Variants in UTRN observed in about 807,000 individuals in gnomAD.
UTRN encodes the protein utrophin, also known as dystrophin-related protein 1.
UTRN carries 283 observed loss-of-function variants against 463.9 expected under a neutral mutation model. The observed-to-expected ratio is 0.61, with a 90% CI of 0.55 to 0.67. The LOEUF (loss-of-function observed/expected upper bound fraction) is 0.67, where lower values mean the gene tolerates loss of function less well. Ranked by LOEUF, UTRN falls within the 30% of genes least tolerant of loss-of-function variation. UTRN has a pLI of 0.00. For missense variants in UTRN, 3,922 were observed against 4,084.3 expected, an observed-to-expected ratio of 0.96 and a Z score of 1.08; for synonymous variants, 1,442 against 1,431.5, an observed-to-expected ratio of 1.01 and a Z score of -0.17.
At chr6:144,512,486 A>T (rs575057572) in intron 35 of UTRN, among the ~76,000 whole-genome samples, 6 of 151,912 alleles carry the variant, frequency 3.9e-5, no homozygotes, top group Non-Finnish European at 8.8e-5. Context: ...TTCTTTTTTT[A>T]AAAATGTTTA....
At position 144,288,390 on chromosome 6, in the gene UTRN, A is replaced by G. The variant is rs73593308; in HGVS notation, c.-93+2569A>G. On this transcript the variant is annotated intron_variant, in intron 1 of 74. Transcript: ENST00000367545. Reference sequence around the variant, plus strand: ...TGGGTGAATAAAGGCTTTGGGTAGCATAGAAGTGGAGATCTTGGCTAAGAC... The same window carrying G: ...TGGGTGAATAAAGGCTTTGGGTAGCGTAGAAGTGGAGATCTTGGCTAAGAC... 2.6e-3 allele frequency among the ~76,000 whole-genome samples: 403 copies of G among 152,340 alleles called. 3 individuals are homozygous for G. The highest frequency in any genetic ancestry group is 9.5e-3 in the African/African-American group (393 of 41,578).
At chr6:144,722,571 A>G (rs1554354069) in intron 53 of UTRN, among the ~76,000 whole-genome samples, 1 of 152,190 alleles carries the variant, frequency 6.6e-6, no homozygotes, top group Non-Finnish European at 1.5e-5. Context: ...GCTTCAAACA[A>G]TAGACTGTGA....
chr6:144,490,961 G>C lies in UTRN; in HGVS notation c.4296G>C (p.Gln1432His). ...TCCGAGAGGTGTCCACAAAGTTCCA[G>C]CTTTTCCAGAAGCCAGCTAACTTCG... The part of the protein sequence containing the change: ...RKLREVSTKF[Q>H]LFQKPANFEQ... The change falls in exon 32 of 75, where the codon CAG (glutamine) becomes CAC (histidine). Residue 1432 changes from glutamine (Q) to histidine (H), a missense_variant. Gln to His is a conservative substitution (Grantham distance 24, BLOSUM62 0). Around this residue, in one of 3 missense-constraint regions of UTRN, gnomAD observed 2,349 missense variants for 2,303.8 expected, o/e 1.02. Coordinates refer to ENST00000367545, the MANE Select transcript of UTRN (RefSeq NM_007124.3). The C allele has an allele frequency of 1.2e-6, 2 of 1,608,722 alleles. No individual in the cohort carries two copies. Among genetic ancestry groups the C allele is most frequent in the Admixed American group, 1.7e-5 (1 of 58,882 alleles).
Position 144,631,237 on chromosome 6 carries a change from G to GGTGTGTGTGTGT in UTRN, c.7480-47146_7480-47135dup, listed in dbSNP as rs67332744. 3.3e-3 allele frequency among the ~76,000 whole-genome samples: 493 copies of GGTGTGTGTGTGT among 147,520 alleles called. 1 individual carries two copies. The highest frequency in any genetic ancestry group is 0.01 in the Middle Eastern group (3 of 290). ...TGAGTGTGTGTGTGTGAGAGAGAGAGGTGTGTGTGTGTGTGTGTGTGTGTG... is the reference window on the plus strand; with the variant it reads ...TGAGTGTGTGTGTGTGAGAGAGAGAGGTGTGTGTGTGTGTGTGTGTGTGTGTGTGTGTGTGTG... On this transcript the variant is annotated intron_variant, in intron 51 of 74. Coordinates refer to ENST00000367545, the MANE Select transcript of UTRN (RefSeq NM_007124.3).
intron 2 of UTRN, among the ~76,000 whole-genome samples, chr6:144,339,335 T>G (rs1217667308): frequency 6.6e-6 from 1 of 152,204 alleles, no homozygotes; most frequent in East Asian, 1.9e-4. Flanking sequence ...TTGAAAAGGA[T>G]GCATCTTGAA....
At chr6:144,795,660 A>G (rs1777147928) in intron 63 of UTRN, among the ~76,000 whole-genome samples, 1 of 152,134 alleles carries the variant, frequency 6.6e-6, no homozygotes, top group Admixed American at 6.5e-5. Flanking sequence ...TTGGCTGCAT[A>G]AATGTCTTCT....
intron 53 of UTRN, among the ~76,000 whole-genome samples, chr6:144,710,892 T>TA (rs1224280209): frequency 4.6e-5 from 7 of 152,258 alleles, no homozygotes; most frequent in African/African-American, 1.7e-4. Context: ...GGTCACCTTA[T>TA]AGTCTTTGCA....
At chr6:144,727,652 A>C (rs1009484104) in intron 53 of UTRN, among the ~76,000 whole-genome samples, 2 of 152,144 alleles carry the variant, frequency 1.3e-5, no homozygotes, top group Non-Finnish European at 2.9e-5. Context: ...CCAGCTACTC[A>C]GGAGGCTGAG....
chr6:144,438,966 G>A (rs962449958), intron 12 of UTRN, 71 bp downstream of exon 12: 1 of 1,506,522 alleles, frequency 6.6e-7, no homozygotes, highest in Middle Eastern at 1.8e-4. Flanking sequence ...CTCAGAGGCT[G>A]ATGACATCTA....
intron 52 of UTRN, among the ~76,000 whole-genome samples, chr6:144,696,241 CT>C (rs934156534): frequency 6.6e-6 from 1 of 151,504 alleles, no homozygotes; most frequent in Non-Finnish European, 1.5e-5. Flanking sequence ...GAACTGCTCT[CT>C]TTTTTTTCTG....
chr6:144,850,195 G>T (rs7766200), intron 74 of UTRN, among the ~76,000 whole-genome samples: 55 of 152,288 alleles, frequency 3.6e-4, no homozygotes, highest in African/African-American at 1.3e-3. Flanking sequence ...TGAGTTTGCT[G>T]CTTTCAGCAT....
At chr6:144,836,275 T>G (rs1215356626) in intron 70 of UTRN, 26 bp from the exon 71 acceptor site, 1 of 1,613,552 alleles carries the variant, frequency 6.2e-7, no homozygotes, top group South Asian at 1.1e-5. Flanking sequence ...TGGTAGTCAT[T>G]CTGTTTCTCC....
chr6:144,840,780 G>A lies in UTRN; in HGVS notation c.10218G>A (p.Thr3406=), dbSNP rs756653331. 7.4e-6 allele frequency: 12 copies of A among 1,613,898 alleles called. No homozygotes were observed. Among genetic ancestry groups the A allele is most frequent in the East Asian group, 6.7e-5 (3 of 44,878 alleles). The change falls in exon 73 of 75, where the codon ACG becomes ACA. Residue 3406 remains threonine (T), a synonymous_variant. Coordinates refer to ENST00000367545, the MANE Select transcript of UTRN (RefSeq NM_007124.3). ...TGGCCCCACCGCACGACACCAGCAC[G>A]GATCTCACGGAGGTCATGGAGCAGA... ...DLLAPPHDTS[T]DLTEVMEQIH... is the part of the protein sequence containing the mutation.
At chr6:144,491,211 G>A (rs1793043187) in intron 32 of UTRN, 109 bp downstream of exon 32, 1 of 1,044,514 alleles carries the variant, frequency 9.6e-7, no homozygotes, top group Non-Finnish European at 1.3e-6. Flanking sequence ...TCTACAGTGT[G>A]CTAAACATAA....
At chr6:144,559,326 T>C (rs950578062) in intron 50 of UTRN, among the ~76,000 whole-genome samples, 2 of 152,098 alleles carry the variant, frequency 1.3e-5, no homozygotes, top group African/African-American at 4.8e-5. Flanking sequence ...AAATAAGTAA[T>C]TATATTAATA....
At chr6:144,481,294 A>T (rs1791831790) in intron 26 of UTRN, among the ~76,000 whole-genome samples, 1 of 152,214 alleles carries the variant, frequency 6.6e-6, no homozygotes, top group Non-Finnish European at 1.5e-5. Context: ...CATTAAAAGT[A>T]ATGGCATAAA....
chr6:144,698,387 G>A (rs953215757), intron 52 of UTRN, among the ~76,000 whole-genome samples: 3 of 152,188 alleles, frequency 2.0e-5, no homozygotes, highest in African/African-American at 7.2e-5. Flanking sequence ...TGTTCTCAGA[G>A]ATTTACAAAA....
chr6:144,831,878 A>G (rs1254215223), intron 69 of UTRN, among the ~76,000 whole-genome samples: 1 of 152,258 alleles, frequency 6.6e-6, no homozygotes, highest in Non-Finnish European at 1.5e-5. Context: ...TCTGAAACCT[A>G]GAACAGAACA....
chr6:144,360,032 TTTCCC>T lies in UTRN; in HGVS notation c.80-43034_80-43030del, dbSNP rs1340009283. Among the ~76,000 whole-genome samples, 706 of 78,774 alleles carry T rather than the reference TTTCCC, an allele frequency of 9.0e-3. 23 individuals are homozygous for T. Among genetic ancestry groups the T allele is most frequent in the East Asian group, 0.036 (53 of 1,456 alleles). The allele number at this position is 78,774 out of a possible 152,430, so 51.7% of individuals were successfully genotyped here. On this transcript the variant is annotated intron_variant, in intron 2 of 74. Coordinates refer to ENST00000367545, the MANE Select transcript of UTRN (RefSeq NM_007124.3). Reference sequence around the variant, plus strand: ...CTTTTATTTCTCTTTTCTTTTCTTTTTTCCCTTCCCTTCCCTTCCCTTCCCTTCCC... The same window carrying T: ...CTTTTATTTCTCTTTTCTTTTCTTTTTTCCCTTCCCTTCCCTTCCCTTCCC...
Sources: allele counts gnomAD v4.1 joint callset (sites outside exome capture counted in the v4.1 genomes callset), GRCh38; gene constraint gnomAD v4.1.1; regional missense constraint gnomAD v4.1.1; transcripts MANE v1.5; gene names NCBI Gene and HGNC (gene_info 2026-07-23, HGNC 2026-07-21).